Variants in SPIRE1 observed in about 807,000 individuals in gnomAD.
The protein encoded by SPIRE1 is spire type actin nucleation factor 1, also known as protein spire homolog 1.
Under a neutral mutation model 94.1 loss-of-function variants are expected in SPIRE1, and 40 were observed. That is an observed-to-expected ratio of 0.43 (90% confidence interval 0.33 to 0.55). SPIRE1 has a LOEUF of 0.55. Among genes scored for constraint, SPIRE1 ranks in the 20% least tolerant of loss-of-function variants. The probability of loss-of-function intolerance (pLI) is 0.06; values close to 1 mark genes in which losing one functional copy is unlikely to be tolerated. For synonymous variants in SPIRE1, 376 were observed against 371.7 expected, an observed-to-expected ratio of 1.01 and a Z score of -0.13; for missense variants, 838 against 975.2, an observed-to-expected ratio of 0.86 and a Z score of 1.87.
chr18:12,529,762 A>C (rs1230838289), intron 4 of SPIRE1, among the ~76,000 whole-genome samples: 1 of 152,132 alleles, frequency 6.6e-6, no homozygotes, highest in East Asian at 1.9e-4. Flanking sequence ...GGAAGAGAAA[A>C]TTTTCATCAC....
intron 2 of SPIRE1, among the ~76,000 whole-genome samples, chr18:12,613,108 C>G (rs987417887): frequency 1.3e-5 from 2 of 152,122 alleles, no homozygotes; most frequent in Admixed American, 1.3e-4. Context: ...ACTGATGTAT[C>G]CTATATCCTA....
intron 2 of SPIRE1, among the ~76,000 whole-genome samples, chr18:12,581,698 T>C (rs2036262407): frequency 6.6e-6 from 1 of 152,038 alleles, no homozygotes; most frequent in South Asian, 2.1e-4. Context: ...ACCCTGTCTC[T>C]ACTAAAAATA....
upstream of SPIRE1, chr18:12,661,905 C>T (rs1286511359): frequency 5.6e-6 from 1 of 178,722 alleles, no homozygotes; most frequent in Non-Finnish European, 1.2e-5. Flanking sequence ...CTCAAATCAA[C>T]ATTTAAATGT....
At chr18:12,582,230 A>T (rs900552853) in intron 2 of SPIRE1, among the ~76,000 whole-genome samples, 2 of 152,246 alleles carry the variant, frequency 1.3e-5, no homozygotes, top group Non-Finnish European at 2.9e-5. Context: ...CTATGCTTCA[A>T]TCCCCTTTGG....
intron 4 of SPIRE1, 42 bp from the exon 5 acceptor site, chr18:12,512,573 T>C (rs766134699): frequency 2.2e-5 from 27 of 1,253,864 alleles, no homozygotes; most frequent in Non-Finnish European, 3.0e-5. Flanking sequence ...TTCATTAAGT[T>C]ATCTTCTCAA....
intron 2 of SPIRE1, among the ~76,000 whole-genome samples, chr18:12,608,919 A>G (rs71351494): frequency 0.073 from 11,181 of 152,196 alleles, 573 homozygotes; most frequent in Non-Finnish European, 0.11. Flanking sequence ...GCAGTCCCCA[A>G]TCTTTTTGGC....
At position 12,622,570 on chromosome 18, in the gene SPIRE1, C is replaced by A. The variant is rs568044226; in HGVS notation, c.372+12492G>T. Among the ~76,000 whole-genome samples the A allele has an allele frequency of 7.9e-5, 12 of 151,748 alleles. No homozygotes were observed. The East Asian group carries it at 2.3e-3, about 29-fold the overall frequency. On this transcript the variant is annotated intron_variant, in intron 2 of 16. Transcript: ENST00000409402. ...CCTGAGTAGCTGGGACTACAGGCAC[C>A]CACCACCATGCCCGGCTAATTTTTT...
chr18:12,520,509 C>T (rs2144092619), intron 4 of SPIRE1, among the ~76,000 whole-genome samples: 1 of 152,284 alleles, frequency 6.6e-6, no homozygotes, highest in Non-Finnish European at 1.5e-5. Context: ...GAGAGATTTA[C>T]TCCTCCCTGA....
rs923184440 is a variant in SPIRE1, at chr18:12,579,104, A to G, written c.373-32200T>C. Among the ~76,000 whole-genome samples the G allele has an allele frequency of 2.0e-5, 3 of 152,076 alleles. 1 individual carries two copies. The Middle Eastern group carries it at 0.01, about 517-fold the overall frequency. The stretch of plus-strand genomic sequence containing the variant: ...GGCTTTTAAGAGAAGGGGAGGAAAA[A>G]AAACCCAAAAACCATCAAAGACAAT... On this transcript the variant is annotated intron_variant, in intron 2 of 16. Transcript: ENST00000409402.
chr18:12,498,404 A>C (rs1180146013), intron 6 of SPIRE1, among the ~76,000 whole-genome samples: 1 of 152,180 alleles, frequency 6.6e-6, no homozygotes. Context: ...TTAAACAAGC[A>C]AAAAACTTTT....
chr18:12,627,650 T>C (rs1310060235), intron 2 of SPIRE1, among the ~76,000 whole-genome samples: 3 of 152,230 alleles, frequency 2.0e-5, no homozygotes, highest in Admixed American at 6.5e-5. Context: ...CCATAATGGT[T>C]GAACTAATTT....
chr18:12,605,076 G>A (rs9955447), intron 2 of SPIRE1, among the ~76,000 whole-genome samples: 1 of 152,266 alleles, frequency 6.6e-6, no homozygotes, highest in South Asian at 2.1e-4. Context: ...GTGGCTGTTG[G>A]GGAAAAGGAA....
upstream of SPIRE1, among the ~76,000 whole-genome samples, chr18:12,659,649 G>C (rs2038654078): frequency 1.3e-5 from 2 of 152,232 alleles, 1 homozygote; most frequent in South Asian, 4.1e-4. Flanking sequence ...CAGCCTGGGG[G>C]ACAGAGCGAG....
At chr18:12,459,433 G>A (rs2031678585) in intron 12 of SPIRE1, among the ~76,000 whole-genome samples, 1 of 152,214 alleles carries the variant, frequency 6.6e-6, no homozygotes, top group African/African-American at 2.4e-5. Context: ...TAGGAGGAAT[G>A]CACCCCACGG....
chr18:12,471,793 CTTCT>C (rs2032370703), intron 10 of SPIRE1, among the ~76,000 whole-genome samples: 1 of 152,124 alleles, frequency 6.6e-6, no homozygotes, highest in South Asian at 2.1e-4. Flanking sequence ...TTATCTTCTT[CTTCT>C]TTTTTTGGAG....
chr18:12,634,939 A>G, intron 2 of SPIRE1, 123 bp downstream of exon 2: 1 of 543,958 alleles, frequency 1.8e-6, no homozygotes, highest in Non-Finnish European at 3.2e-6. Flanking sequence ...CCATCTCAAA[A>G]AAAAAAAAAA....
chr18:12,613,708 T>C (rs1468512786), intron 2 of SPIRE1, among the ~76,000 whole-genome samples: 1 of 147,028 alleles, frequency 6.8e-6, no homozygotes, highest in Non-Finnish European at 1.5e-5. Context: ...GAGACCAGGA[T>C]GGCCAACATG....
intron 2 of SPIRE1, among the ~76,000 whole-genome samples, chr18:12,547,331 C>T (rs1212020418): frequency 1.3e-5 from 2 of 152,190 alleles, no homozygotes; most frequent in Non-Finnish European, 2.9e-5. Context: ...CATTCAATCA[C>T]TGAAAACACA....
intron 11 of SPIRE1, 60 bp from the exon 12 acceptor site, chr18:12,463,553 G>C: frequency 1.5e-6 from 2 of 1,330,984 alleles, no homozygotes; most frequent in South Asian, 2.6e-5. Flanking sequence ...AAAACCTTTT[G>C]ACATTTGTGA....
Sources: allele counts gnomAD v4.1 joint callset (sites outside exome capture counted in the v4.1 genomes callset), GRCh38; gene constraint gnomAD v4.1.1; transcripts MANE v1.5; gene names NCBI Gene and HGNC (gene_info 2026-07-23, HGNC 2026-07-21).